KDM6A: variants seen among roughly 807,000 people sequenced by gnomAD.
KDM6A encodes lysine demethylase 6A.
KDM6A carries 11 observed loss-of-function variants against 117.6 expected under a neutral mutation model. That is an observed-to-expected ratio of 0.09 (90% CI 0.06 to 0.15). The LOEUF is 0.15. KDM6A is among the 10% of genes least tolerant of loss of function. The pLI is 1.00. For missense variants in KDM6A, 799 were observed against 1,077.3 expected (o/e 0.74, Z 3.62); for synonymous variants, 384 against 396.1 (o/e 0.97, Z 0.36).
intron 4 of KDM6A, among the ~76,000 whole-genome samples, chrX:44,992,695 C>T (rs534480746): frequency 1.6e-4 from 17 of 108,486 alleles, no homozygotes; most frequent in African/African-American, 3.7e-4. Flanking sequence ...GGACTACAGG[C>T]GCATGCTACC....
At chrX:44,999,045 T>TTG (rs2041006462) in intron 4 of KDM6A, among the ~76,000 whole-genome samples, 1 of 111,171 alleles carries the variant, frequency 9.0e-6, no homozygotes, top group Non-Finnish European at 1.9e-5. Context: ...TAGCTGGGAG[T>TTG]TGTGGCTCAT....
chrX:44,990,811 G>C (rs2040541917), intron 4 of KDM6A, among the ~76,000 whole-genome samples: 1 of 111,717 alleles, frequency 9.0e-6, no homozygotes, highest in Non-Finnish European at 1.9e-5. Context: ...ATTTGACTAT[G>C]TAACTTTGGA....
chrX:45,072,946 A>G (rs1264980397), intron 18 of KDM6A, among the ~76,000 whole-genome samples: 2 of 108,757 alleles, frequency 1.8e-5, no homozygotes, highest in Admixed American at 9.9e-5. Flanking sequence ...ATAGGTATAC[A>G]TGTGCCATGC....
At chrX:45,094,176 TA>T (rs1160357061) in intron 27 of KDM6A, among the ~76,000 whole-genome samples, 2 of 112,036 alleles carry the variant, frequency 1.8e-5, no homozygotes, top group Non-Finnish European at 3.8e-5. Flanking sequence ...AGTCTTTGCT[TA>T]TTGTATGCAA....
At chrX:45,026,129 G>T (rs149562928) in intron 6 of KDM6A, among the ~76,000 whole-genome samples, 2,536 of 112,194 alleles carry the variant, frequency 0.023, 63 homozygotes, top group African/African-American at 0.078. Flanking sequence ...AAGAAAAAAA[G>T]CTGGTTTTAT....
At chrX:44,973,517 T>C (rs1337970550) in intron 3 of KDM6A, among the ~76,000 whole-genome samples, 3 of 111,956 alleles carry the variant, frequency 2.7e-5, no homozygotes, top group Non-Finnish European at 3.8e-5. Context: ...TGACTGGATA[T>C]ATAATTTTAG....
At position 44,961,317 on chromosome X, in the gene KDM6A, G is replaced by A. The variant is rs1380090421; in HGVS notation, c.259G>A (p.Ala87Thr). The part of the protein sequence containing the change: ...VRCYESLILK[A>T]EGKVESDFFC... ...CTGCTATGAATCTCTAATCTTAAAA[G>A]CTGAAGGAAAAGTGGAGTCTGATTT... Residue 87 changes from alanine (A) to threonine (T), a missense_variant, in exon 3 of 30, where the codon GCT (alanine) becomes ACT (threonine). Physicochemically the swap from Ala to Thr is moderately conservative, Grantham distance 58 (BLOSUM62 0). Coordinates refer to ENST00000611820, the MANE Select transcript of KDM6A (RefSeq NM_001291415.2). 1 of 1,205,402 alleles carries A rather than the reference G, an allele frequency of 8.3e-7. No individual in the cohort carries two copies. The highest frequency in any genetic ancestry group is 1.8e-5 in the South Asian group (1 of 56,751).
intron 2 of KDM6A, among the ~76,000 whole-genome samples, chrX:44,874,603 G>A (rs952205320): frequency 5.4e-5 from 6 of 111,480 alleles, no homozygotes; most frequent in Non-Finnish European, 9.4e-5. Flanking sequence ...GTAGTTATTT[G>A]TAAACGTGTT....
chrX:45,032,544 G>GT (rs1268386958), intron 6 of KDM6A, among the ~76,000 whole-genome samples: 5 of 110,971 alleles, frequency 4.5e-5, no homozygotes, highest in East Asian at 2.8e-4. Context: ...GTGTATTCGT[G>GT]TTTTTTTTGT....
At chrX:45,001,537 A>G (rs1395163269) in intron 4 of KDM6A, among the ~76,000 whole-genome samples, 4 of 111,148 alleles carry the variant, frequency 3.6e-5, no homozygotes, top group African/African-American at 1.3e-4. Context: ...GTCAGGAGGG[A>G]CAGAGGTACT....
At chrX:44,942,384 T>A (rs1478310886) in intron 2 of KDM6A, among the ~76,000 whole-genome samples, 1 of 110,509 alleles carries the variant, frequency 9.0e-6, no homozygotes, top group Non-Finnish European at 1.9e-5. Context: ...ACCAGTTGGC[T>A]ATATTTCTGA....
At chrX:44,956,936 C>T (rs1219726019) in intron 2 of KDM6A, among the ~76,000 whole-genome samples, 6 of 110,078 alleles carry the variant, frequency 5.5e-5, no homozygotes, top group Non-Finnish European at 9.5e-5. Context: ...TCGAGACCAG[C>T]CTGGCCAACA....
chrX:44,898,275 A>G (rs1299180168), intron 2 of KDM6A, among the ~76,000 whole-genome samples: 2 of 111,932 alleles, frequency 1.8e-5, no homozygotes. Flanking sequence ...CCCTCTGGGT[A>G]CCACTGGCAT....
At chrX:44,890,095 C>A (rs112742638) in intron 2 of KDM6A, among the ~76,000 whole-genome samples, 4,091 of 111,999 alleles carry the variant, frequency 0.037, 69 homozygotes, top group Middle Eastern at 0.056. Context: ...CACCCGCTGG[C>A]AACCACTAAC....
intron 27 of KDM6A, among the ~76,000 whole-genome samples, chrX:45,096,031 CT>C (rs1401821093): frequency 2.7e-5 from 3 of 111,383 alleles, no homozygotes; most frequent in Non-Finnish European, 5.7e-5. Context: ...ACATCTCCCC[CT>C]TTTTTTCCTT....
At chrX:45,089,992 T>A (rs2045822360) in intron 26 of KDM6A, 62 bp downstream of exon 26, 7 of 942,667 alleles carry the variant, frequency 7.4e-6, no homozygotes, top group Non-Finnish European at 1.0e-5. Context: ...AATAGGACTG[T>A]TCCTTTTTTC....
intron 27 of KDM6A, among the ~76,000 whole-genome samples, chrX:45,101,016 T>C (rs2046321662): frequency 1.8e-5 from 2 of 111,168 alleles, no homozygotes; most frequent in Admixed American, 9.6e-5. Context: ...TGCCATCTTA[T>C]ATGCACAATG....
At chrX:44,984,537 G>A (rs1402618775) in intron 4 of KDM6A, among the ~76,000 whole-genome samples, 1 of 111,560 alleles carries the variant, frequency 9.0e-6, no homozygotes, top group Admixed American at 9.5e-5. Context: ...GGGTTTTTAT[G>A]GTTTTAGGTC....
intron 2 of KDM6A, among the ~76,000 whole-genome samples, chrX:44,904,498 TTTTG>T (rs2034532459): frequency 8.9e-6 from 1 of 112,265 alleles, no homozygotes; most frequent in Non-Finnish European, 1.9e-5. Flanking sequence ...TTGGTTGGTC[TTTTG>T]TTTGTCTCTG....
Sources: gnomAD v4.1 joint callset for allele counts (sites outside exome capture counted in the v4.1 genomes callset) on GRCh38, gnomAD v4.1.1 for gene constraint, MANE v1.5 for transcripts, NCBI Gene and HGNC (gene_info 2026-07-23, HGNC 2026-07-21) for gene names.